PTPN1: variants seen among roughly 807,000 people sequenced by gnomAD.
The protein encoded by PTPN1 is protein tyrosine phosphatase non-receptor type 1.
In PTPN1, 12 loss-of-function variants were observed where a neutral mutation model predicts 59.9. That is an observed-to-expected ratio of 0.20 (90% confidence interval 0.13 to 0.32). The LOEUF (loss-of-function observed/expected upper bound fraction) is 0.32, where lower values mean the gene tolerates loss of function less well. Among genes scored for constraint, PTPN1 ranks in the 10% least tolerant of loss-of-function variants. The pLI, the probability that PTPN1 is intolerant of heterozygous loss-of-function variation, is 1.00. For synonymous variants in PTPN1, 178 were observed against 203.6 expected (o/e 0.87, Z 1.07); for missense variants, 356 against 549.2 (o/e 0.65, Z 3.52).
At chr20:50,561,220 G>A (rs1313732364) in intron 1 of PTPN1, 143 bp from the exon 2 acceptor site, 6 of 625,308 alleles carry the variant, frequency 9.6e-6, no homozygotes, top group South Asian at 8.4e-5. Flanking sequence ...ATTCCTCCTC[G>A]GTTTTCCCCC....
chr20:50,517,337 C>G (rs566156860), intron 1 of PTPN1, among the ~76,000 whole-genome samples: 2 of 152,278 alleles, frequency 1.3e-5, no homozygotes, highest in South Asian at 4.1e-4. Context: ...TCACTGCAAC[C>G]TCCACCTCCT....
intron 5 of PTPN1, among the ~76,000 whole-genome samples, chr20:50,577,022 G>T (rs1435559980): frequency 6.6e-6 from 1 of 152,096 alleles, no homozygotes; most frequent in East Asian, 1.9e-4. Context: ...AAGAATGATG[G>T]AATTGCCTAG....
chr20:50,569,360 G>A (rs1047859863), intron 4 of PTPN1, among the ~76,000 whole-genome samples: 1 of 152,224 alleles, frequency 6.6e-6, no homozygotes, highest in Non-Finnish European at 1.5e-5. Context: ...GGGCCGAGGA[G>A]TCCCAGTGCC....
At position 50,579,174 on chromosome 20, in the gene PTPN1, A is replaced by G. The variant is rs1311537624; in HGVS notation, c.709A>G (p.Lys237Glu). ...LADTCLLLMD[K>E]RKDPSSVDIK... Reference sequence around the variant, plus strand: ...TCTCCTCTCTGGCTTTCAGATGGACAAGAGGAAAGACCCTTCTTCCGTTGA... The same window carrying G: ...TCTCCTCTCTGGCTTTCAGATGGACGAGAGGAAAGACCCTTCTTCCGTTGA... The change falls in exon 7 of 10, where the codon AAG becomes GAG. Residue 237 changes from lysine to glutamate, a missense_variant. Transcript: ENST00000371621. The G allele has an allele frequency of 1.9e-6, 3 of 1,614,082 alleles. No homozygotes were observed. The highest frequency in any genetic ancestry group is 1.3e-5 in the African/African-American group (1 of 74,940).
chr20:50,535,431 C>G (rs1207858773), intron 1 of PTPN1, among the ~76,000 whole-genome samples: 1 of 152,188 alleles, frequency 6.6e-6, no homozygotes, highest in Non-Finnish European at 1.5e-5. Context: ...TCTTCCTACA[C>G]TGAGCTGTCC....
chr20:50,554,380 A>ATTC lies in PTPN1; in HGVS notation c.64-6982_64-6981insTCT, dbSNP rs11481722. 2.3e-3 allele frequency among the ~76,000 whole-genome samples: 316 copies of ATTC among 140,278 alleles called. 9 individuals are homozygous for ATTC. In the South Asian group the frequency reaches 0.023, roughly 10 times the overall value. The allele number at this position is 140,278 out of a possible 152,430, so 92.0% of individuals were successfully genotyped here. On this transcript the variant is annotated intron_variant, in intron 1 of 9. Coordinates refer to ENST00000371621, the MANE Select transcript of PTPN1 (RefSeq NM_002827.4). Reference sequence around the variant, plus strand: ...CCAGCCTAGGCAACAGCAAGACCACATCTCTCTCTCTCTCTCTCTCTCTCT... The same window carrying ATTC: ...CCAGCCTAGGCAACAGCAAGACCACATTCTCTCTCTCTCTCTCTCTCTCTCTCT...
chr20:50,520,754 G>A (rs2082547634), intron 1 of PTPN1, among the ~76,000 whole-genome samples: 1 of 152,184 alleles, frequency 6.6e-6, no homozygotes, highest in South Asian at 2.1e-4. Flanking sequence ...CACAGGAGGG[G>A]ACATGTGAGG....
chr20:50,564,046 G>A (rs1471032528), intron 2 of PTPN1, among the ~76,000 whole-genome samples: 1 of 151,594 alleles, frequency 6.6e-6, no homozygotes, highest in African/African-American at 2.4e-5. Flanking sequence ...TAGAATCATT[G>A]AAGTTCATTA....
chr20:50,582,724 T>G lies in PTPN1; in HGVS notation c.*9T>G. On this transcript the variant is annotated 3_prime_UTR_variant, in exon 10 of 10. Transcript: ENST00000371621. The surrounding 1 kb of genome is among the most constrained non-coding windows in gnomAD (Gnocchi z 4.2). ...TCAACAGCAACACATAGCCTGACCC[T>G]CCTCCACTCCACCTCCACCCACTGT... is the stretch of plus-strand genomic sequence containing the variant. The G allele has an allele frequency of 6.2e-7, 1 of 1,613,600 alleles. No individual in the cohort carries two copies. The highest frequency in any genetic ancestry group is 8.5e-7 in the Non-Finnish European group (1 of 1,179,852).
At chr20:50,537,344 T>C (rs576977771) in intron 1 of PTPN1, among the ~76,000 whole-genome samples, 1 of 151,958 alleles carries the variant, frequency 6.6e-6, no homozygotes, top group Non-Finnish European at 1.5e-5. Flanking sequence ...ATAATAATAA[T>C]AAATAAACTT....
In PTPN1 at chr20:50,510,599, G is replaced by T; in HGVS notation, c.63+9G>T. The T allele has an allele frequency of 1.3e-6, 2 of 1,550,642 alleles. No individual in the cohort carries two copies. Among genetic ancestry groups the T allele is most frequent in the Non-Finnish European group, 8.7e-7 (1 of 1,146,482 alleles). On this transcript the variant is annotated intron_variant, in intron 1 of 9. Coordinates refer to ENST00000371621, the MANE Select transcript of PTPN1 (RefSeq NM_002827.4). ...GGGCGGCCATTTACCAGGTGCGGGA[G>T]CGCCCCGGAGCGTGGCGGGCCCTTC... is the stretch of plus-strand genomic sequence containing the variant.
chr20:50,520,865 A>G (rs1437327462), intron 1 of PTPN1, among the ~76,000 whole-genome samples: 1 of 152,186 alleles, frequency 6.6e-6, no homozygotes, highest in Non-Finnish European at 1.5e-5. Flanking sequence ...CAGGATCTGT[A>G]AAATGTAGTC....
chr20:50,549,197 A>G (rs888854147), intron 1 of PTPN1, among the ~76,000 whole-genome samples: 2 of 152,032 alleles, frequency 1.3e-5, no homozygotes, highest in Non-Finnish European at 2.9e-5. Context: ...TTTTATTCTC[A>G]TGCTGTTTTT....
rs1295080948 is a variant in PTPN1 at position 50,584,695 on chromosome 20, A to G, written c.*1980A>G. 1 of 152,114 alleles carries G rather than the reference A, an allele frequency of 6.6e-6. No individual in the cohort carries two copies. The highest frequency in any genetic ancestry group is 1.5e-5 in the Non-Finnish European group (1 of 68,022). The allele number at this position is 152,114 out of a possible 1,614,324, so 9.4% of individuals were successfully genotyped here. On this transcript the variant is annotated 3_prime_UTR_variant, in exon 10 of 10. Transcript: ENST00000371621. Reference sequence around the variant, plus strand: ...AACTGTCAGACTGTACAGTTTTCCAACTTGCCATATTCATGATGGGTTTGC... The same window carrying G: ...AACTGTCAGACTGTACAGTTTTCCAGCTTGCCATATTCATGATGGGTTTGC...
At chr20:50,535,861 C>T (rs1274168200) in intron 1 of PTPN1, among the ~76,000 whole-genome samples, 1 of 152,054 alleles carries the variant, frequency 6.6e-6, no homozygotes, top group Non-Finnish European at 1.5e-5. Flanking sequence ...ACCATATGTA[C>T]TGGTCCCCGT....
chr20:50,554,408 C>A (rs1162637821), intron 1 of PTPN1, among the ~76,000 whole-genome samples: 1 of 151,558 alleles, frequency 6.6e-6, no homozygotes, highest in African/African-American at 2.4e-5. Context: ...CTCTCTCTCT[C>A]AAAAGGCAGT....
chr20:50,532,224 A>G (rs2082604567), intron 1 of PTPN1, among the ~76,000 whole-genome samples: 1 of 152,252 alleles, frequency 6.6e-6, no homozygotes, highest in African/African-American at 2.4e-5. Flanking sequence ...TTTGTTTTTT[A>G]AATATCCTCA....
In PTPN1 at chr20:50,533,861, A is replaced by AT. The variant is rs202019139; in HGVS notation, c.63+23280dup. 3.6e-3 allele frequency among the ~76,000 whole-genome samples: 539 copies of AT among 151,764 alleles called. 8 individuals are homozygous for AT. The highest frequency in any genetic ancestry group is 0.031 in the East Asian group (162 of 5,162). ...GCAGAGAATGATGGAAGCTTCCGTG[A>AT]TTTTTTTTTCTCCTTAATAGTTATG... On this transcript the variant is annotated intron_variant, in intron 1 of 9. Coordinates refer to ENST00000371621, the MANE Select transcript of PTPN1 (RefSeq NM_002827.4).
chr20:50,522,304 C>G (rs2082554883), intron 1 of PTPN1, among the ~76,000 whole-genome samples: 1 of 152,122 alleles, frequency 6.6e-6, no homozygotes, highest in Non-Finnish European at 1.5e-5. Context: ...TGATGACCAA[C>G]TTGAAGTTAC....
Sources: allele counts gnomAD v4.1 joint callset (sites outside exome capture counted in the v4.1 genomes callset), GRCh38; gene constraint gnomAD v4.1.1; non-coding constraint Gnocchi (gnomAD v3.1); transcripts MANE v1.5; gene names NCBI Gene and HGNC (gene_info 2026-07-23, HGNC 2026-07-21).